The following RYR3 variants were observed in gnomAD, a reference collection of about 807,000 sequenced individuals.
RYR3 encodes the protein brain ryanodine receptor-calcium release channel.
A neutral mutation model predicts 584.3 loss-of-function variants in RYR3; 207 were observed. The ratio of observed to expected loss-of-function variants is 0.35; its 90% CI spans 0.32 to 0.40. RYR3 has a LOEUF of 0.40. Among genes scored for constraint, RYR3 ranks in the 10% least tolerant of loss-of-function variants. The pLI, the probability that RYR3 is intolerant of heterozygous loss-of-function variation, is 1.00. For synonymous variants in RYR3, 2,416 were observed against 2,248.5 expected (o/e 1.07, Z -2.11); for missense variants, 5,616 against 6,089.2 (o/e 0.92, Z 2.59).
intron 12 of RYR3, among the ~76,000 whole-genome samples, chr15:33,573,756 T>C (rs566734676): frequency 1.3e-5 from 2 of 152,294 alleles, no homozygotes; most frequent in African/African-American, 4.8e-5. Flanking sequence ...ATAATTGTAG[T>C]TGTTTCTGAG....
At chr15:33,712,859 G>A (rs550553295) in intron 43 of RYR3, among the ~76,000 whole-genome samples, 1 of 152,184 alleles carries the variant, frequency 6.6e-6, no homozygotes, top group South Asian at 2.1e-4. Flanking sequence ...TTTTTTATGT[G>A]TAAAACAGAG....
At chr15:33,721,028 A>G (rs1164880952) in intron 43 of RYR3, among the ~76,000 whole-genome samples, 1 of 152,212 alleles carries the variant, frequency 6.6e-6, no homozygotes, top group African/African-American at 2.4e-5. Flanking sequence ...CTCCCTTTAC[A>G]TGTAAGCTGG....
At chr15:33,496,851 A>T (rs1406593533) in intron 2 of RYR3, among the ~76,000 whole-genome samples, 1 of 152,288 alleles carries the variant, frequency 6.6e-6, no homozygotes, top group Non-Finnish European at 1.5e-5. Flanking sequence ...CTCTCAATTT[A>T]GCATTGAATT....
chr15:33,338,608 G>T (rs565983950), intron 1 of RYR3, among the ~76,000 whole-genome samples: 19 of 152,266 alleles, frequency 1.2e-4, no homozygotes, highest in Non-Finnish European at 2.5e-4. Context: ...TATGGGGGAG[G>T]CATGTAGCTT....
At chr15:33,552,155 C>G (rs1182709800) in intron 10 of RYR3, among the ~76,000 whole-genome samples, 1 of 152,188 alleles carries the variant, frequency 6.6e-6, no homozygotes, top group Non-Finnish European at 1.5e-5. Flanking sequence ...GATCAGGCGG[C>G]CTTCCAGGCA....
chr15:33,734,934 C>T (rs902734132), intron 48 of RYR3, among the ~76,000 whole-genome samples: 2 of 151,942 alleles, frequency 1.3e-5, no homozygotes, highest in Non-Finnish European at 2.9e-5. Context: ...CAGGTGATCA[C>T]CCCACCTTGA....
intron 37 of RYR3, among the ~76,000 whole-genome samples, chr15:33,670,060 T>C (rs1266031535): frequency 6.6e-6 from 1 of 152,170 alleles, no homozygotes; most frequent in African/African-American, 2.4e-5. Flanking sequence ...AAATAACTCA[T>C]TGTTAACTTC....
chr15:33,347,129 T>C (rs556579124), intron 1 of RYR3, among the ~76,000 whole-genome samples: 1 of 152,276 alleles, frequency 6.6e-6, no homozygotes, highest in Non-Finnish European at 1.5e-5. Context: ...ATCACCTGGC[T>C]GACATAGTAC....
chr15:33,733,184 G>A (rs891834153), intron 48 of RYR3, among the ~76,000 whole-genome samples: 2 of 152,220 alleles, frequency 1.3e-5, no homozygotes, highest in African/African-American at 4.8e-5. Flanking sequence ...AAAGTAGTTT[G>A]TCAGTTTCTT....
At chr15:33,315,030 A>G (rs1019809272) in intron 1 of RYR3, among the ~76,000 whole-genome samples, 1 of 152,208 alleles carries the variant, frequency 6.6e-6, no homozygotes, top group African/African-American at 2.4e-5. Context: ...GGTCATAGAC[A>G]GCCTAATTTA....
At chr15:33,680,337 G>C (rs1175937077) in intron 38 of RYR3, among the ~76,000 whole-genome samples, 2 of 152,176 alleles carry the variant, frequency 1.3e-5, no homozygotes, top group Non-Finnish European at 2.9e-5. Context: ...AGGTAGAATA[G>C]CCATTAACAG....
intron 38 of RYR3, among the ~76,000 whole-genome samples, chr15:33,677,352 CAGAGGCCCG>C (rs1433896934): frequency 6.6e-6 from 1 of 152,152 alleles, no homozygotes; most frequent in Non-Finnish European, 1.5e-5. Context: ...TGAGTGAAGA[CAGAGGCCCG>C]AGGTCCCTGA....
chr15:33,577,346 C>T (rs2058351061), intron 12 of RYR3, among the ~76,000 whole-genome samples: 1 of 152,142 alleles, frequency 6.6e-6, no homozygotes, highest in African/African-American at 2.4e-5. Flanking sequence ...ACAGAGGCAT[C>T]ACACTACCCA....
chr15:33,757,101 C>T (rs553177668), intron 59 of RYR3, among the ~76,000 whole-genome samples: 2 of 152,286 alleles, frequency 1.3e-5, no homozygotes, highest in East Asian at 1.9e-4. Flanking sequence ...GGGCTTGAGT[C>T]GCCTTGCTCT....
chr15:33,379,590 A>G (rs1350109817), intron 1 of RYR3, among the ~76,000 whole-genome samples: 1 of 151,278 alleles, frequency 6.6e-6, no homozygotes, highest in East Asian at 1.9e-4. Context: ...CTGAGATTGA[A>G]TCTGTGTTAG....
chr15:33,635,683 T>A lies in RYR3; in HGVS notation c.3245T>A (p.Val1082Glu). 9 of 1,607,826 alleles carry A rather than the reference T, an allele frequency of 5.6e-6. No homozygotes were observed. Among genetic ancestry groups the A allele is most frequent in the Non-Finnish European group, 6.8e-6 (8 of 1,174,346 alleles). Residue 1082 changes from valine (V) to glutamate (E), a missense_variant, in exon 26 of 104, where the codon GTG (valine) becomes GAG (glutamate). Transcript: ENST00000634891. Reference sequence around the variant, plus strand: ...TTCCGGGTAGAGCGATCTTATGCAGTGAGATCTGGAAAGTGGTATTTTGAG... The same window carrying A: ...TTCCGGGTAGAGCGATCTTATGCAGAGAGATCTGGAAAGTGGTATTTTGAG... Reference protein sequence around the residue: ...RFFRVERSYAVRSGKWYFEFE... With the variant: ...RFFRVERSYAERSGKWYFEFE...
chr15:33,517,356 T>A (rs2053607421), intron 3 of RYR3, among the ~76,000 whole-genome samples: 1 of 152,192 alleles, frequency 6.6e-6, no homozygotes, highest in Admixed American at 6.5e-5. Flanking sequence ...AAAAAGAAGC[T>A]TCAGTATGGG....
intron 5 of RYR3, among the ~76,000 whole-genome samples, chr15:33,538,523 C>T (rs2055526879): frequency 6.6e-6 from 1 of 152,098 alleles, no homozygotes; most frequent in Non-Finnish European, 1.5e-5. Context: ...ACCAGACCAC[C>T]CTTGGTAGTT....
chr15:33,853,869 C>A (rs988637435), intron 96 of RYR3, among the ~76,000 whole-genome samples, 187 bp downstream of exon 96: 1 of 151,960 alleles, frequency 6.6e-6, no homozygotes, highest in Non-Finnish European at 1.5e-5. Flanking sequence ...TTTTTATGCC[C>A]TATAGAGCTG....
Sources: allele counts gnomAD v4.1 joint callset (sites outside exome capture counted in the v4.1 genomes callset), GRCh38; gene constraint gnomAD v4.1.1; transcripts MANE v1.5; gene names NCBI Gene and HGNC (gene_info 2026-07-23, HGNC 2026-07-21).